MTMR3: variants seen among roughly 807,000 people sequenced by gnomAD.
MTMR3 encodes the protein myotubularin related protein 3.
Under a neutral mutation model 132.4 loss-of-function variants are expected in MTMR3, and 32 were observed. The observed-to-expected ratio is 0.24, with a 90% confidence interval of 0.18 to 0.32. The LOEUF is 0.32. Among genes scored for constraint, MTMR3 ranks in the 10% least tolerant of loss-of-function variants. The pLI is 1.00. For missense variants in MTMR3, 1,216 were observed against 1,489.6 expected (o/e 0.82, Z 3.02); for synonymous variants, 556 against 550.3 (o/e 1.01, Z -0.14).
At position 29,942,606 on chromosome 22, in the gene MTMR3, C is replaced by T. The variant is rs570749962; in HGVS notation, c.-137-14430C>T. Among the ~76,000 whole-genome samples, 16 of 152,290 alleles carry T rather than the reference C, an allele frequency of 1.1e-4. No homozygotes were observed. In the East Asian group the frequency reaches 1.3e-3, roughly 13 times the overall value. On this transcript the variant is annotated intron_variant, in intron 1 of 19. Transcript: ENST00000401950. Reference sequence around the variant, plus strand: ...CTCCGCTACGACCGTAAAAGATAGCCGTCCCCAAAGCGGCCATTTCAGAGG... The same window carrying T: ...CTCCGCTACGACCGTAAAAGATAGCTGTCCCCAAAGCGGCCATTTCAGAGG...
At chr22:29,977,172 G>T (rs533152978) in intron 3 of MTMR3, among the ~76,000 whole-genome samples, 16 of 152,110 alleles carry the variant, frequency 1.1e-4, no homozygotes, top group Admixed American at 1.0e-3. Context: ...GGCGCCTGTG[G>T]TCCCAGCTAC....
intron 6 of MTMR3, 61 bp downstream of exon 6, chr22:29,988,623 G>A: frequency 3.9e-6 from 5 of 1,277,316 alleles, no homozygotes; most frequent in South Asian, 1.4e-5. Context: ...TAAAGAATGG[G>A]TCCATTATTT....
chr22:30,012,753 G>T, intron 13 of MTMR3, 190 bp downstream of exon 13: 1 of 534,356 alleles, frequency 1.9e-6, no homozygotes, highest in Non-Finnish European at 3.2e-6. Context: ...TTAAAATGGG[G>T]CAGATTATGG....
At chr22:29,992,519 T>G (rs2066983921) in intron 7 of MTMR3, 1 of 152,242 alleles carries the variant, frequency 6.6e-6, no homozygotes, top group South Asian at 2.1e-4. Context: ...ACCATGTTAT[T>G]TCTCTGCATG....
At chr22:29,918,099 CAT>C (rs1008733431) in intron 1 of MTMR3, among the ~76,000 whole-genome samples, 8 of 152,068 alleles carry the variant, frequency 5.3e-5, no homozygotes, top group Non-Finnish European at 1.0e-4. Flanking sequence ...CTGGTTGCCT[CAT>C]ATTGCTAATG....
intron 2 of MTMR3, among the ~76,000 whole-genome samples, chr22:29,959,188 A>G (rs186654689): frequency 2.3e-3 from 343 of 152,296 alleles, no homozygotes; most frequent in Non-Finnish European, 3.9e-3. Flanking sequence ...AAGTCATATC[A>G]TGGGGTGGTA....
At chr22:29,995,394 C>T (rs1569040919) in intron 7 of MTMR3, 1 of 152,196 alleles carries the variant, frequency 6.6e-6, no homozygotes, top group Admixed American at 6.5e-5. Flanking sequence ...TGTCCCAGGC[C>T]TTTTAAGCTG....
At chr22:29,957,133 ACTCT>A (rs549624327) in intron 2 of MTMR3, 45 bp downstream of exon 2, 1 of 147,504 alleles carries the variant, frequency 6.8e-6, no homozygotes, top group Non-Finnish European at 1.5e-5. Flanking sequence ...CCCCTCCAAT[ACTCT>A]CTCTGTGCTG....
chr22:29,974,451 T>C (rs1220718803), intron 3 of MTMR3, among the ~76,000 whole-genome samples: 4 of 152,240 alleles, frequency 2.6e-5, no homozygotes, highest in Non-Finnish European at 5.9e-5. Context: ...TTACAGGTAA[T>C]GTGAATTGAG....
intron 1 of MTMR3, among the ~76,000 whole-genome samples, chr22:29,950,979 C>T (rs568598835): frequency 2.6e-5 from 4 of 152,140 alleles, no homozygotes; most frequent in Non-Finnish European, 2.9e-5. Flanking sequence ...GGTGAAACCC[C>T]GTCTCTACTG....
At chr22:30,023,757 T>C in intron 19 of MTMR3, 1 of 473,310 alleles carries the variant, frequency 2.1e-6, no homozygotes, top group Non-Finnish European at 3.8e-6. Context: ...TCTTCTGGTC[T>C]TGTAGGGGAA....
chr22:29,940,960 T>A (rs2065845753), intron 1 of MTMR3, among the ~76,000 whole-genome samples: 2 of 150,026 alleles, frequency 1.3e-5, no homozygotes, highest in African/African-American at 5.1e-5. Flanking sequence ...GCATATGATC[T>A]TGATTTTATG....
intron 2 of MTMR3, among the ~76,000 whole-genome samples, chr22:29,962,748 A>G (rs960399205): frequency 6.6e-6 from 1 of 152,066 alleles, no homozygotes; most frequent in African/African-American, 2.4e-5. Flanking sequence ...CCTGGCACCC[A>G]CTAATCTGCT....
At chr22:29,968,465 A>T (rs1467761720) in intron 2 of MTMR3, among the ~76,000 whole-genome samples, 2 of 152,174 alleles carry the variant, frequency 1.3e-5, no homozygotes, top group Non-Finnish European at 2.9e-5. Flanking sequence ...AAGGTTCTTT[A>T]TAACAGTATC....
intron 1 of MTMR3, among the ~76,000 whole-genome samples, chr22:29,890,577 A>T (rs1048505057): frequency 3.9e-5 from 6 of 152,132 alleles, no homozygotes; most frequent in Non-Finnish European, 8.8e-5. Context: ...AAATTTAGAT[A>T]TACTCAAGAT....
intron 1 of MTMR3, among the ~76,000 whole-genome samples, chr22:29,927,751 A>G (rs2065545705): frequency 1.3e-5 from 2 of 152,116 alleles, no homozygotes; most frequent in South Asian, 4.1e-4. Flanking sequence ...AGACTCTTTA[A>G]GGGAGGAAAA....
rs187810280 is a variant in MTMR3 at position 29,906,669 on chromosome 22, C to A, written c.-138+23310C>A. ...TTTTTATACCCCGAAAGCATTATTA[C>A]TATCCATTACTTTATTCAGAGCTAG... On this transcript the variant is annotated intron_variant, in intron 1 of 19. Transcript: ENST00000401950. Among the ~76,000 whole-genome samples, 279 of 152,232 alleles carry A rather than the reference C, an allele frequency of 1.8e-3. 3 individuals carry two copies. The highest frequency in any genetic ancestry group is 6.4e-3 in the African/African-American group (265 of 41,550).
At chr22:29,908,059 A>G (rs1013659860) in intron 1 of MTMR3, among the ~76,000 whole-genome samples, 1 of 152,166 alleles carries the variant, frequency 6.6e-6, no homozygotes, top group African/African-American at 2.4e-5. Context: ...CCTAAGAGTA[A>G]TGGTATATAG....
intron 1 of MTMR3, among the ~76,000 whole-genome samples, chr22:29,938,784 G>T (rs2065799398): frequency 6.6e-6 from 1 of 152,086 alleles, no homozygotes; most frequent in Admixed American, 6.5e-5. Context: ...GCCTCTTCAA[G>T]AGGTGATTTA....
Sources: allele counts gnomAD v4.1 joint callset (sites outside exome capture counted in the v4.1 genomes callset), GRCh38; gene constraint gnomAD v4.1.1; transcripts MANE v1.5; gene names NCBI Gene and HGNC (gene_info 2026-07-23, HGNC 2026-07-21).